SOX6: variants seen among roughly 807,000 people sequenced by gnomAD.
SOX6 encodes SRY-box transcription factor 6.
SOX6 carries 11 observed loss-of-function variants against 97.8 expected under a neutral mutation model. That is an observed-to-expected ratio of 0.11 (90% CI 0.07 to 0.19). The LOEUF (loss-of-function observed/expected upper bound fraction) is 0.19, where lower values mean the gene tolerates loss of function less well. Among genes scored for constraint, SOX6 ranks in the 10% least tolerant of loss-of-function variants. SOX6 has a pLI of 1.00. For missense variants in SOX6, 810 were observed against 1,039.5 expected (o/e 0.78, Z 3.04); for synonymous variants, 360 against 371.4 (o/e 0.97, Z 0.35).
At chr11:16,061,303 C>A (rs890868706) in intron 9 of SOX6, among the ~76,000 whole-genome samples, 501 of 120,736 alleles carry the variant, frequency 4.1e-3, no homozygotes, top group Non-Finnish European at 4.8e-3. Flanking sequence ...ACAATAGCTA[C>A]AAAAAAAAAA....
chr11:16,123,884 T>C (rs1009723317), intron 6 of SOX6, among the ~76,000 whole-genome samples: 4 of 152,114 alleles, frequency 2.6e-5, no homozygotes, highest in African/African-American at 9.6e-5. Flanking sequence ...CTCCCTAGCC[T>C]AGGCTGCCTC....
At chr11:16,299,860 T>C (rs2134271862) in intron 3 of SOX6, among the ~76,000 whole-genome samples, 1 of 152,290 alleles carries the variant, frequency 6.6e-6, no homozygotes, top group East Asian at 1.9e-4. Context: ...AATACTTTCT[T>C]TTAAAAAAAT....
intron 3 of SOX6, among the ~76,000 whole-genome samples, chr11:16,678,621 G>T (rs938176016): frequency 6.6e-6 from 1 of 152,106 alleles, no homozygotes; most frequent in African/African-American, 2.4e-5. Flanking sequence ...TACAACCCAA[G>T]GATGGCAAGC....
chr11:16,377,757 G>T (rs923103767), intron 1 of SOX6, among the ~76,000 whole-genome samples: 5 of 152,156 alleles, frequency 3.3e-5, no homozygotes, highest in South Asian at 2.1e-4. Context: ...CAACAATTTC[G>T]ATGTATCTTT....
At chr11:16,663,195 C>T (rs1463026608) in intron 3 of SOX6, among the ~76,000 whole-genome samples, 1 of 152,028 alleles carries the variant, frequency 6.6e-6, no homozygotes, top group Non-Finnish European at 1.5e-5. Flanking sequence ...TGCTCAGGCT[C>T]ACCAATTCTA....
At chr11:16,351,099 A>C (rs1054135623) in intron 1 of SOX6, among the ~76,000 whole-genome samples, 2 of 152,138 alleles carry the variant, frequency 1.3e-5, no homozygotes, top group Non-Finnish European at 1.5e-5. Flanking sequence ...CCAGAAATCC[A>C]ACAGTCCTCA....
intron 4 of SOX6, among the ~76,000 whole-genome samples, chr11:16,531,331 C>A (rs1473511741): frequency 6.6e-6 from 1 of 151,412 alleles, no homozygotes; most frequent in Non-Finnish European, 1.5e-5. Context: ...AAAATGCCCC[C>A]ATTTGAAGAT....
chr11:16,692,213 G>A (rs754177710), intron 3 of SOX6, among the ~76,000 whole-genome samples: 24 of 152,012 alleles, frequency 1.6e-4, no homozygotes, highest in Non-Finnish European at 3.1e-4. Context: ...TGGGACTATA[G>A]GAATGCACCA....
At chr11:16,727,242 G>C (rs575184564) in intron 2 of SOX6, among the ~76,000 whole-genome samples, 1 of 142,714 alleles carries the variant, frequency 7.0e-6, no homozygotes, top group South Asian at 2.2e-4. Context: ...TTTTAATACA[G>C]ACACAATTTA....
At chr11:16,437,342 T>C (rs1172567335) in intron 1 of SOX6, among the ~76,000 whole-genome samples, 2 of 152,046 alleles carry the variant, frequency 1.3e-5, no homozygotes, top group Non-Finnish European at 2.9e-5. Flanking sequence ...ATTAATCTTA[T>C]TCTATCCAGT....
chr11:16,014,863 T>C, intron 13 of SOX6, 79 bp downstream of exon 13: 1 of 1,357,272 alleles, frequency 7.4e-7, no homozygotes, highest in East Asian at 2.3e-5. Flanking sequence ...TGAAAAACTA[T>C]AAAGATCCTA....
At chr11:16,293,469 C>A (rs1373516680) in intron 3 of SOX6, among the ~76,000 whole-genome samples, 1 of 152,120 alleles carries the variant, frequency 6.6e-6, no homozygotes, top group Non-Finnish European at 1.5e-5. Flanking sequence ...GTAATCATTT[C>A]TAAGAGAGCA....
At chr11:16,296,030 C>T (rs1450200532) in intron 3 of SOX6, among the ~76,000 whole-genome samples, 1 of 151,974 alleles carries the variant, frequency 6.6e-6, no homozygotes, top group South Asian at 2.1e-4. Context: ...TCCTTTAGGC[C>T]CTTCCTATGG....
intron 1 of SOX6, among the ~76,000 whole-genome samples, chr11:16,404,787 T>C (rs1858650723): frequency 1.3e-5 from 2 of 152,032 alleles, no homozygotes; most frequent in Non-Finnish European, 2.9e-5. Flanking sequence ...CCCGTTATTT[T>C]AAATCTGTAA....
intron 3 of SOX6, among the ~76,000 whole-genome samples, chr11:16,701,851 G>A (rs902482257): frequency 6.6e-6 from 1 of 150,926 alleles, no homozygotes; most frequent in African/African-American, 2.4e-5. Context: ...CCGAAATTGC[G>A]CCACTGCACT....
chr11:16,573,081 A>G (rs888526030), intron 4 of SOX6, among the ~76,000 whole-genome samples: 6 of 152,192 alleles, frequency 3.9e-5, no homozygotes, highest in Admixed American at 2.0e-4. Flanking sequence ...ATGTCACAAT[A>G]TAATAGCTCC....
chr11:16,055,415 G>T (rs1293785093), intron 10 of SOX6, among the ~76,000 whole-genome samples: 2 of 152,020 alleles, frequency 1.3e-5, no homozygotes, highest in African/African-American at 2.4e-5. Flanking sequence ...TAAGACACAT[G>T]AAGAGAAATG....
chr11:16,045,826 C>T (rs1184499833), intron 12 of SOX6, among the ~76,000 whole-genome samples: 1 of 152,130 alleles, frequency 6.6e-6, no homozygotes, highest in African/African-American at 2.4e-5. Context: ...CCTATAACAC[C>T]CTATTCCTTT....
chr11:16,438,923 A>G (rs183716913), intron 1 of SOX6, among the ~76,000 whole-genome samples: 10 of 152,304 alleles, frequency 6.6e-5, no homozygotes, highest in Admixed American at 1.3e-4. Flanking sequence ...CCTTCTGACA[A>G]GAAGTACAGG....
Sources: gnomAD v4.1 joint callset for allele counts (sites outside exome capture counted in the v4.1 genomes callset) on GRCh38, gnomAD v4.1.1 for gene constraint, MANE v1.5 for transcripts, NCBI Gene and HGNC (gene_info 2026-07-23, HGNC 2026-07-21) for gene names.